Variants in SERINC3 observed in about 807,000 individuals in gnomAD.
SERINC3 encodes tumor differentially expressed protein 1.
SERINC3 carries 22 observed loss-of-function variants against 52.1 expected under a neutral mutation model. The ratio of observed to expected loss-of-function variants is 0.42; its 90% confidence interval spans 0.30 to 0.60. SERINC3 has a LOEUF of 0.60. Ranked by LOEUF, SERINC3 falls within the 20% of genes least tolerant of loss-of-function variation. The pLI, the probability that SERINC3 is intolerant of heterozygous loss-of-function variation, is 0.16. For missense variants in SERINC3, 564 were observed against 584.6 expected (o/e 0.96, Z 0.36); for synonymous variants, 226 against 212.7 (o/e 1.06, Z -0.54).
In SERINC3 at chr20:44,510,107, A is replaced by G. The variant is rs948380578; in HGVS notation, c.476-79T>C. On this transcript the variant is annotated intron_variant, in intron 4 of 9. Coordinates refer to ENST00000342374, the MANE Select transcript of SERINC3 (RefSeq NM_006811.4). ...AGATCCAACATTCTGAACGGATTTC[A>G]ATTAAAACAAGACAGAGGTGGTAAA... 4 of 1,385,154 alleles carry G rather than the reference A, an allele frequency of 2.9e-6. No individual in the cohort carries two copies. In the African/African-American group the frequency reaches 5.7e-5, roughly 20 times the overall value. 85.8% of individuals were successfully genotyped at this position (1,385,154 alleles called of 1,614,324 possible). A position where few individuals can be genotyped will look rare whatever the true frequency, so the allele number is the denominator to read the frequency against.
At chr20:44,516,720 G>C (rs2064382986) in intron 1 of SERINC3, among the ~76,000 whole-genome samples, 1 of 152,116 alleles carries the variant, frequency 6.6e-6, no homozygotes, top group African/African-American at 2.4e-5. Flanking sequence ...AAAAAGACAA[G>C]GCGTCACTCT....
intron 8 of SERINC3, 66 bp downstream of exon 8, chr20:44,503,749 A>C (rs192877781): frequency 3.0e-6 from 4 of 1,319,094 alleles, no homozygotes; most frequent in Middle Eastern, 2.7e-4. Flanking sequence ...TTTTGAAAGC[A>C]AAACAGCTTC....
rs760863823 is a variant in SERINC3, at chr20:44,500,445, AAGAG to A, written c.1284-15_1284-12del. 9.0e-6 allele frequency: 14 copies of A among 1,556,556 alleles called. No individual in the cohort carries two copies. The highest frequency in any genetic ancestry group is 1.2e-5 in the South Asian group (1 of 84,408). ...AACTTTGCATCAGGGCTAAGAAAACAAGAGAGAGTCAGGTAGAAAAGCCTGGTCT... is the reference window on the plus strand; with the variant it reads ...AACTTTGCATCAGGGCTAAGAAAACAAGAGTCAGGTAGAAAAGCCTGGTCT... On this transcript the variant is annotated splice_polypyrimidine_tract_variant and intron_variant, in intron 9 of 9. Coordinates refer to ENST00000342374, the MANE Select transcript of SERINC3 (RefSeq NM_006811.4).
chr20:44,508,770 C>T (rs1418510997), intron 5 of SERINC3, among the ~76,000 whole-genome samples: 2 of 152,138 alleles, frequency 1.3e-5, no homozygotes, highest in South Asian at 2.1e-4. Flanking sequence ...ACATACAGTA[C>T]AATCCTGTTT....
intron 8 of SERINC3, among the ~76,000 whole-genome samples, chr20:44,501,880 A>T (rs1460073015): frequency 6.6e-6 from 1 of 152,266 alleles, no homozygotes; most frequent in Non-Finnish European, 1.5e-5. Context: ...ATGTAAATAC[A>T]AAAACAGGAC....
In SERINC3 at chr20:44,506,877, G is replaced by A; in HGVS notation, c.733C>T (p.Leu245=). 2 of 1,613,490 alleles carry A rather than the reference G, an allele frequency of 1.2e-6. No individual in the cohort carries two copies. The highest frequency in any genetic ancestry group is 1.7e-6 in the Non-Finnish European group (2 of 1,179,728). The stretch of plus-strand genomic sequence containing the variant: ...ATAGAAGCCACAACGCAAAGGATCA[G>A]GTTAATACTGATGAAGAACTTGTTT... The part of the protein sequence containing the change: ...TENKFFISIN[L]ILCVVASIIS... Residue 245 remains leucine (L), a synonymous_variant, in exon 6 of 10, where the codon CTG becomes TTG. Coordinates refer to ENST00000342374, the MANE Select transcript of SERINC3 (RefSeq NM_006811.4).
chr20:44,513,598 A>C (rs1229863138), intron 2 of SERINC3, among the ~76,000 whole-genome samples: 1 of 152,198 alleles, frequency 6.6e-6, no homozygotes, highest in Non-Finnish European at 1.5e-5. Context: ...GAACTAGTCC[A>C]GTTTAGATGC....
Position 44,503,886 on chromosome 20 carries a change from C to G in SERINC3, c.984G>C (p.Lys328Asn). Residue 328 changes from lysine to asparagine, a missense_variant, in exon 8 of 10, where the codon AAG becomes AAC. Physicochemically the swap from Lys to Asn is moderately conservative, Grantham distance 94. Coordinates refer to ENST00000342374, the MANE Select transcript of SERINC3 (RefSeq NM_006811.4). ...TATCTGAATCCAGTAAAGACCCACT[C>G]TTTGATGGTGGAGTAGGGGTAGGGA... is the stretch of plus-strand genomic sequence containing the variant. ...AVVPTPTPPS[K>N]SGSLLDSDNF... The G allele has an allele frequency of 6.2e-7, 1 of 1,602,858 alleles. No individual in the cohort carries two copies. The highest frequency in any genetic ancestry group is 8.5e-7 in the Non-Finnish European group (1 of 1,176,150).
At chr20:44,510,174 C>T (rs1449485064) in intron 4 of SERINC3, 146 bp from the exon 5 acceptor site, 10 of 736,618 alleles carry the variant, frequency 1.4e-5, no homozygotes, top group South Asian at 9.5e-5. Context: ...CCAAACTCAA[C>T]GGCATTCTTA....
chr20:44,515,657 A>AT (rs1323175146), intron 1 of SERINC3, among the ~76,000 whole-genome samples: 1,796 of 142,844 alleles, frequency 0.013, 28 homozygotes, highest in African/African-American at 0.038. Context: ...ACGCTTTTTT[A>AT]TTTTTTTTTT....
At chr20:44,519,102 C>T (rs1361668902) in intron 1 of SERINC3, among the ~76,000 whole-genome samples, 1 of 152,094 alleles carries the variant, frequency 6.6e-6, no homozygotes, top group Non-Finnish European at 1.5e-5. Context: ...TTCACAAGCC[C>T]CCAGAAACAG....
In SERINC3 at chr20:44,513,967, G is replaced by A. The variant is rs543136166; in HGVS notation, c.113C>T (p.Thr38Ile). 1.9e-6 allele frequency: 3 copies of A among 1,614,032 alleles called. No individual in the cohort carries two copies. Among genetic ancestry groups the A allele is most frequent in the Non-Finnish European group, 2.5e-6 (3 of 1,180,030 alleles). Reference sequence around the variant, plus strand: ...GAGAATGAAAGCATAAATGAGGCGAGTCACCGTGGAATTCTTACTGTTAGG... The same window carrying A: ...GAGAATGAAAGCATAAATGAGGCGAATCACCGTGGAATTCTTACTGTTAGG... Reference protein sequence around the residue: ...CCPNSKNSTVTRLIYAFILLL... With the variant: ...CCPNSKNSTVIRLIYAFILLL... Residue 38 changes from threonine (T) to isoleucine (I), a missense_variant, in exon 2 of 10, where the codon ACT becomes ATT. Physicochemically the swap from Thr to Ile is moderately conservative, Grantham distance 89. Transcript: ENST00000342374.
chr20:44,505,740 A>C (rs1221947157), intron 6 of SERINC3, among the ~76,000 whole-genome samples: 1 of 152,030 alleles, frequency 6.6e-6, no homozygotes, highest in East Asian at 1.9e-4. Context: ...AGCTGGGATT[A>C]CAGGTGTGCG....
At chr20:44,519,847 T>C (rs932783835) in intron 1 of SERINC3, among the ~76,000 whole-genome samples, 2 of 152,154 alleles carry the variant, frequency 1.3e-5, no homozygotes, top group African/African-American at 4.8e-5. Flanking sequence ...GGTGTAATAC[T>C]GTCAAATATA....
At chr20:44,514,680 G>A (rs1165303018) in intron 1 of SERINC3, among the ~76,000 whole-genome samples, 1 of 152,176 alleles carries the variant, frequency 6.6e-6, no homozygotes, top group Non-Finnish European at 1.5e-5. Context: ...AGAATGGCAT[G>A]AACCCAGGAG....
At chr20:44,508,598 T>TATGGAATGCC (rs1212503123) in intron 5 of SERINC3, among the ~76,000 whole-genome samples, 1 of 152,230 alleles carries the variant, frequency 6.6e-6, no homozygotes, top group Admixed American at 6.5e-5. Context: ...TATACTCCGC[T>TATGGAATGCC]ATGGAATGCC....
intron 1 of SERINC3, among the ~76,000 whole-genome samples, chr20:44,514,556 G>A (rs1351995190): frequency 6.6e-6 from 1 of 151,836 alleles, no homozygotes; most frequent in Non-Finnish European, 1.5e-5. Context: ...TCAGGAGATC[G>A]AGACCATCCT....
intron 1 of SERINC3, among the ~76,000 whole-genome samples, chr20:44,520,063 G>T (rs1248853112): frequency 6.6e-6 from 1 of 152,148 alleles, no homozygotes; most frequent in African/African-American, 2.4e-5. Flanking sequence ...GTAACCAAAA[G>T]CCAATGATTT....
At chr20:44,504,182 AAAAG>A (rs565172227) in intron 7 of SERINC3, among the ~76,000 whole-genome samples, 187 bp from the exon 8 acceptor site, 37 of 152,326 alleles carry the variant, frequency 2.4e-4, no homozygotes, top group Admixed American at 1.9e-3. Context: ...TTAGGAAAAA[AAAAG>A]AAAACAACAA....
Sources: gnomAD v4.1 joint callset for allele counts (sites outside exome capture counted in the v4.1 genomes callset) on GRCh38, gnomAD v4.1.1 for gene constraint, MANE v1.5 for transcripts, NCBI Gene and HGNC (gene_info 2026-07-23, HGNC 2026-07-21) for gene names.